HPSE2: variants seen among roughly 807,000 people sequenced by gnomAD.
The protein encoded by HPSE2 is heparanase 2 (inactive).
In HPSE2, 38 loss-of-function variants were observed where a neutral mutation model predicts 60.5. The ratio of observed to expected loss-of-function variants is 0.63; its 90% CI spans 0.48 to 0.82. HPSE2 has a LOEUF of 0.82. HPSE2 is among the 40% of genes least tolerant of loss of function. The pLI is 0.00. For synonymous variants in HPSE2, 295 were observed against 293.2 expected, an observed-to-expected ratio of 1.01 and a Z score of -0.06; for missense variants, 713 against 740.4, an observed-to-expected ratio of 0.96 and a Z score of 0.43.
chr10:99,206,560 C>CAA (rs768456472), intron 2 of HPSE2, among the ~76,000 whole-genome samples: 10 of 88,978 alleles, frequency 1.1e-4, no homozygotes, highest in African/African-American at 3.9e-4. Context: ...GACCCTGTCT[C>CAA]AAAAAAAAAA....
intron 3 of HPSE2, among the ~76,000 whole-genome samples, chr10:98,917,757 T>G (rs1954161413): frequency 2.0e-5 from 3 of 152,168 alleles, no homozygotes; most frequent in Non-Finnish European, 4.4e-5. Flanking sequence ...AGTGAATGAA[T>G]GAAGGAACAA....
chr10:99,258,390 AAT>A, the HPSE2 span, among the ~76,000 whole-genome samples: 512 of 147,024 alleles, frequency 3.5e-3, 2 homozygotes, highest in African/African-American at 7.7e-3. Flanking sequence ...TAAATGGAGT[AAT>A]ATATATATAT....
intron 3 of HPSE2, among the ~76,000 whole-genome samples, chr10:98,995,699 T>C (rs1956627930): frequency 6.6e-6 from 1 of 152,174 alleles, no homozygotes; most frequent in South Asian, 2.1e-4. Context: ...ACAACACTTA[T>C]ATCTGACAAA....
At chr10:98,796,652 T>C (rs910056951) in intron 3 of HPSE2, among the ~76,000 whole-genome samples, 5 of 152,196 alleles carry the variant, frequency 3.3e-5, no homozygotes, top group Non-Finnish European at 7.3e-5. Flanking sequence ...TGGTTGATCA[T>C]AGAGACATTG....
At chr10:99,105,011 T>C (rs1485884955) in intron 3 of HPSE2, among the ~76,000 whole-genome samples, 1 of 149,140 alleles carries the variant, frequency 6.7e-6, no homozygotes, top group Non-Finnish European at 1.5e-5. Flanking sequence ...TGTATACATA[T>C]GTAACAAACC....
intron 9 of HPSE2, among the ~76,000 whole-genome samples, chr10:98,557,489 A>T (rs1192970095): frequency 6.6e-6 from 1 of 152,208 alleles, no homozygotes; most frequent in Non-Finnish European, 1.5e-5. Context: ...TGGACTACAG[A>T]TCTAAATATG....
At chr10:99,084,336 TAAGAA>T (rs1160554271) in intron 3 of HPSE2, among the ~76,000 whole-genome samples, 1 of 151,764 alleles carries the variant, frequency 6.6e-6, no homozygotes, top group Non-Finnish European at 1.5e-5. Flanking sequence ...TTTTTTCCCC[TAAGAA>T]AAGTGCCAGG....
chr10:98,973,266 G>A (rs553983351), intron 3 of HPSE2, among the ~76,000 whole-genome samples: 6 of 152,130 alleles, frequency 3.9e-5, no homozygotes, highest in Non-Finnish European at 8.8e-5. Flanking sequence ...AAAATTGACA[G>A]TGTTTGCAAT....
At chr10:99,271,568 G>A in the HPSE2 span, among the ~76,000 whole-genome samples, 3 of 152,002 alleles carry the variant, frequency 2.0e-5, no homozygotes, top group African/African-American at 7.2e-5. Flanking sequence ...TCATCATACC[G>A]CCAAAAGCAA....
intron 9 of HPSE2, among the ~76,000 whole-genome samples, chr10:98,494,576 G>C (rs968987801): frequency 3.3e-5 from 5 of 152,170 alleles, no homozygotes; most frequent in Admixed American, 6.5e-5. Context: ...AAGAATGTTA[G>C]CACAGGTCTT....
chr10:98,753,134 A>G (rs1431922747), intron 3 of HPSE2, among the ~76,000 whole-genome samples: 1 of 152,232 alleles, frequency 6.6e-6, no homozygotes, highest in Non-Finnish European at 1.5e-5. Flanking sequence ...TCTATTGTGG[A>G]ACAAGGCAAC....
intron 6 of HPSE2, among the ~76,000 whole-genome samples, chr10:98,685,009 T>C (rs1315696650): frequency 6.6e-6 from 1 of 152,176 alleles, no homozygotes; most frequent in Non-Finnish European, 1.5e-5. Context: ...TCTTTACCCA[T>C]ATTTTATTAG....
chr10:98,949,772 A>G (rs1315682185), intron 3 of HPSE2, among the ~76,000 whole-genome samples: 2 of 152,150 alleles, frequency 1.3e-5, no homozygotes, highest in Non-Finnish European at 2.9e-5. Context: ...AAATTAAGTA[A>G]GATTATGAAG....
In HPSE2 at chr10:98,459,749, G is replaced by A. The variant is rs759824774; in HGVS notation, c.1614-10C>T. 1.9e-6 allele frequency: 3 copies of A among 1,611,328 alleles called. No individual in the cohort carries two copies. Among genetic ancestry groups the A allele is most frequent in the East Asian group, 4.5e-5 (2 of 44,874 alleles). ...ATTCAGTTGCACTGACCTACAGTGA[G>A]GAAAAACAGTATGGGACTCATTATT... On this transcript the variant is annotated splice_polypyrimidine_tract_variant and intron_variant, in intron 11 of 11. Transcript: ENST00000370552.
intron 3 of HPSE2, among the ~76,000 whole-genome samples, chr10:98,906,991 A>G (rs1384827695): frequency 6.6e-6 from 1 of 152,158 alleles, no homozygotes; most frequent in African/African-American, 2.4e-5. Context: ...CAATGATTTG[A>G]GTTTACTCTA....
At chr10:98,502,847 A>G (rs995401345) in intron 9 of HPSE2, among the ~76,000 whole-genome samples, 1 of 152,222 alleles carries the variant, frequency 6.6e-6, no homozygotes, top group Admixed American at 6.5e-5. Context: ...CAATCCATCA[A>G]AAAGTGGGCT....
intron 9 of HPSE2, among the ~76,000 whole-genome samples, chr10:98,566,495 G>A (rs1249188348): frequency 6.6e-6 from 1 of 152,176 alleles, no homozygotes; most frequent in Non-Finnish European, 1.5e-5. Context: ...TTTTATGTAA[G>A]TTCCTTACCT....
intron 3 of HPSE2, among the ~76,000 whole-genome samples, chr10:99,068,638 A>C (rs1381252960): frequency 6.6e-6 from 1 of 152,186 alleles, no homozygotes; most frequent in Non-Finnish European, 1.5e-5. Context: ...CGAGAGTGCA[A>C]ATCAATTAAA....
At chr10:98,472,840 T>C (rs1232550665) in intron 11 of HPSE2, among the ~76,000 whole-genome samples, 2 of 152,010 alleles carry the variant, frequency 1.3e-5, no homozygotes, top group African/African-American at 4.8e-5. Flanking sequence ...GTTAGAAAAA[T>C]AGCAAATAAA....
Sources: allele counts gnomAD v4.1 joint callset (sites outside exome capture counted in the v4.1 genomes callset), GRCh38; gene constraint gnomAD v4.1.1; transcripts MANE v1.5; gene names NCBI Gene and HGNC (gene_info 2026-07-23, HGNC 2026-07-21).